Variants in PRC1 observed in about 807,000 individuals in gnomAD.
PRC1 encodes anaphase spindle elongation 1 homolog.
PRC1 carries 54 observed loss-of-function variants against 91.2 expected under a neutral mutation model. That is an observed-to-expected ratio of 0.59 (90% CI 0.48 to 0.74). The LOEUF is 0.74. PRC1 is among the 30% of genes least tolerant of loss of function. The probability of loss-of-function intolerance (pLI) is 0.00; values close to 1 mark genes in which losing one functional copy is unlikely to be tolerated. For missense variants in PRC1, 727 were observed against 746.2 expected (o/e 0.97, Z 0.30); for synonymous variants, 275 against 263.6 (o/e 1.04, Z -0.42).
intron 3 of PRC1, 27 bp downstream of exon 3, chr15:90,983,991 C>G (rs1363758039): frequency 6.2e-7 from 1 of 1,612,932 alleles, no homozygotes; most frequent in Non-Finnish European, 8.5e-7. Context: ...AGACAGATCA[C>G]CAGAGACCCT....
At chr15:90,981,700 G>A in intron 4 of PRC1, 31 bp from the exon 5 acceptor site, 1 of 1,609,550 alleles carries the variant, frequency 6.2e-7, no homozygotes. Context: ...AAGATACCTA[G>A]AGGAAAACCA....
In PRC1 at chr15:90,981,526, A is replaced by C. The variant is rs746587256; in HGVS notation, c.645T>G (p.Ile215Met). 16 of 1,613,876 alleles carry C rather than the reference A, an allele frequency of 9.9e-6. No homozygotes were observed. The highest frequency in any genetic ancestry group is 1.4e-5 in the Non-Finnish European group (16 of 1,180,040). ...GCCGTAGCAACTTTTGTAGTGTTGC[A>C]ATATTCTCCAAAGACAAACAAAAGG... is the stretch of plus-strand genomic sequence containing the variant. ...EDAFCLSLEN[I>M]ATLQKLLRQL... The change falls in exon 5 of 15, where the codon ATT becomes ATG. Residue 215 changes from isoleucine (I) to methionine (M), a missense_variant. By Grantham distance (10) the Ile-to-Met change is conservative (BLOSUM62 1). Transcript: ENST00000394249.
intron 3 of PRC1, 119 bp downstream of exon 3, chr15:90,983,899 T>C: frequency 7.4e-7 from 1 of 1,347,180 alleles, no homozygotes; most frequent in Non-Finnish European, 1.0e-6. Flanking sequence ...TTTTCCCCAC[T>C]TCTTACGTCT....
chr15:90,980,144 G>A (rs1178210536), intron 7 of PRC1, 98 bp downstream of exon 7: 2 of 1,411,018 alleles, frequency 1.4e-6, no homozygotes, highest in Non-Finnish European at 1.9e-6. Flanking sequence ...GGCCAAGTTG[G>A]GAGGATTGTT....
chr15:90,981,139 A>C (rs1358924729), intron 5 of PRC1, 106 bp from the exon 6 acceptor site: 2 of 1,446,868 alleles, frequency 1.4e-6, no homozygotes, highest in Middle Eastern at 4.5e-4. Context: ...AGGCACTTTC[A>C]TGAGAGTTCA....
At position 90,966,933 on chromosome 15, in the gene PRC1, C is replaced by T; in HGVS notation, c.*198G>A. On this transcript the variant is annotated 3_prime_UTR_variant, in exon 15 of 15. Transcript: ENST00000394249. ...ACTTTTCATGTATATAAGTCAAAACCAAGTCTCCTAGGACCACTAAACCTA... is the reference window on the plus strand; with the variant it reads ...ACTTTTCATGTATATAAGTCAAAACTAAGTCTCCTAGGACCACTAAACCTA... The T allele has an allele frequency of 1.7e-6, 1 of 596,656 alleles. No homozygotes were observed. Among genetic ancestry groups the T allele is most frequent in the Non-Finnish European group, 3.0e-6 (1 of 336,078 alleles). The allele number at this position is 596,656 out of a possible 1,614,324, so 37.0% of individuals were successfully genotyped here.
rs370507493 is a variant in PRC1, at chr15:90,974,561, A to G, written c.1350+24T>C. 71 of 1,613,468 alleles carry G rather than the reference A, an allele frequency of 4.4e-5. No homozygotes were observed. The highest frequency in any genetic ancestry group is 2.5e-4 in the African/African-American group (19 of 74,774). ...AGATTACTTTCTTCGTCTTTTCCCA[A>G]TTTGCGTTCACGTTCACACTTACTC... On this transcript the variant is annotated intron_variant, in intron 10 of 14. Coordinates refer to ENST00000394249, the MANE Select transcript of PRC1 (RefSeq NM_003981.4). The surrounding 1 kb of genome is among the most constrained non-coding windows in gnomAD (Gnocchi z 4.6).
At chr15:90,982,378 T>C (rs1342062433) in intron 3 of PRC1, among the ~76,000 whole-genome samples, 2 of 152,166 alleles carry the variant, frequency 1.3e-5, no homozygotes, top group Non-Finnish European at 2.9e-5. Flanking sequence ...TTTTCCCTTC[T>C]CCAAGCCTGG....
At chr15:90,980,477 A>T in intron 6 of PRC1, 88 bp from the exon 7 acceptor site, 1 of 1,316,148 alleles carries the variant, frequency 7.6e-7, no homozygotes, top group Non-Finnish European at 1.0e-6. Flanking sequence ...AAGTAAAATT[A>T]TAATGCAAAG....
rs1237632777 is a variant in PRC1 at position 90,984,045 on chromosome 15, GCA to G, written c.238_239del (p.Cys80GlnfsTer6). On this transcript the variant is annotated frameshift_variant, in exon 3 of 15. Transcript: ENST00000394249. LOFTEE classifies it high-confidence loss of function. The surrounding 1 kb of genome is among the most constrained non-coding windows in gnomAD (Gnocchi z 5.1). ...GAAATGGCTCAACATGTAACTCGCT[GCA>G]CAGAGTGTTCAGCTCTTTCTGACAG... Reference protein sequence around the residue: ...SVCQKELNTLCSELHVEPFQE... With the variant: ...SVCQKELNTLXSELHVEPFQE... The G allele has an allele frequency of 1.2e-6, 2 of 1,614,006 alleles. No homozygotes were observed. Among genetic ancestry groups the G allele is most frequent in the Non-Finnish European group, 1.7e-6 (2 of 1,180,014 alleles).
At chr15:90,975,185 A>G (rs892962188) in intron 9 of PRC1, among the ~76,000 whole-genome samples, 2 of 152,172 alleles carry the variant, frequency 1.3e-5, no homozygotes, top group Non-Finnish European at 2.9e-5. Flanking sequence ...AGCTCACTGC[A>G]ACCTCCACCT....
intron 9 of PRC1, among the ~76,000 whole-genome samples, chr15:90,975,294 G>C (rs1370843093): frequency 6.6e-6 from 1 of 152,040 alleles, no homozygotes; most frequent in African/African-American, 2.4e-5. Context: ...AGTAGAGATG[G>C]GGTTTCGTCA....
chr15:90,967,049 G>A lies in PRC1; in HGVS notation c.*82C>T, dbSNP rs1003139653. ...CCAAGGTTTCAAGCACGCCTAAGCT[G>A]AAGAAAAACTAAAGTCACCCCCATA... On this transcript the variant is annotated 3_prime_UTR_variant, in exon 15 of 15. Transcript: ENST00000394249. The A allele has an allele frequency of 5.4e-6, 7 of 1,299,444 alleles. No homozygotes were observed. The African/African-American group carries it at 7.4e-5, about 14-fold the overall frequency. 80.5% of individuals were successfully genotyped at this position (1,299,444 alleles called of 1,614,324 possible).
Position 90,994,508 on chromosome 15 carries a change from A to ACTCCGCGTAGCCG in PRC1, c.-104_-92dup, listed in dbSNP as rs1052932677. The ACTCCGCGTAGCCG allele has an allele frequency of 6.8e-7, 1 of 1,461,252 alleles. No homozygotes were observed. Among genetic ancestry groups the ACTCCGCGTAGCCG allele is most frequent in the African/African-American group, 1.5e-5 (1 of 68,730 alleles). 90.5% of individuals were successfully genotyped at this position (1,461,252 alleles called of 1,614,324 possible). A position where few individuals can be genotyped will look rare whatever the true frequency, so the allele number is the denominator to read the frequency against. Reference sequence around the variant, plus strand: ...ACCACCCGCAAACACCGGCGATGTCACTCCGCGTAGCCGCTCCGCGAGCCG... The same window carrying ACTCCGCGTAGCCG: ...ACCACCCGCAAACACCGGCGATGTCACTCCGCGTAGCCGCTCCGCGTAGCCGCTCCGCGAGCCG... On this transcript the variant is annotated 5_prime_UTR_variant, in exon 1 of 15. Transcript: ENST00000394249.
chr15:90,983,306 G>C (rs751646121), intron 3 of PRC1, among the ~76,000 whole-genome samples: 1 of 152,152 alleles, frequency 6.6e-6, no homozygotes, highest in South Asian at 2.1e-4. Context: ...AACCTTATGG[G>C]TGTACTCATT....
intron 12 of PRC1, among the ~76,000 whole-genome samples, chr15:90,970,141 G>A (rs2037980968): frequency 6.6e-6 from 1 of 152,124 alleles, no homozygotes; most frequent in Non-Finnish European, 1.5e-5. Context: ...TGAGTCTACA[G>A]CGACCCTGCC....
chr15:90,977,691 C>T (rs746758658), intron 8 of PRC1, among the ~76,000 whole-genome samples: 10 of 147,104 alleles, frequency 6.8e-5, no homozygotes, highest in East Asian at 2.1e-4. Flanking sequence ...TCACGCCATT[C>T]TCCTGCCTCA....
At chr15:90,978,477 C>T (rs189288236) in intron 8 of PRC1, among the ~76,000 whole-genome samples, 52 of 152,068 alleles carry the variant, frequency 3.4e-4, no homozygotes, top group African/African-American at 1.2e-3. Flanking sequence ...TCAGGCCAGG[C>T]GTGGTGGCTC....
rs2037539614 is a variant in PRC1, at chr15:90,966,885, A to G, written c.*246T>C. 3 of 550,564 alleles carry G rather than the reference A, an allele frequency of 5.4e-6. No homozygotes were observed. The highest frequency in any genetic ancestry group is 3.8e-5 in the African/African-American group (2 of 52,776). 34.1% of individuals were successfully genotyped at this position (550,564 alleles called of 1,614,324 possible). Reference sequence around the variant, plus strand: ...GTAGAGAAGTCAGGCCCCATATGCTAAAATTTGCACTTCTTGCCATAAACT... The same window carrying G: ...GTAGAGAAGTCAGGCCCCATATGCTGAAATTTGCACTTCTTGCCATAAACT... On this transcript the variant is annotated 3_prime_UTR_variant, in exon 15 of 15. Coordinates refer to ENST00000394249, the MANE Select transcript of PRC1 (RefSeq NM_003981.4).
Sources: allele counts gnomAD v4.1 joint callset (sites outside exome capture counted in the v4.1 genomes callset), GRCh38; gene constraint gnomAD v4.1.1; non-coding constraint Gnocchi (gnomAD v3.1); transcripts MANE v1.5; gene names NCBI Gene and HGNC (gene_info 2026-07-23, HGNC 2026-07-21).